SEMA5A: variants seen among roughly 807,000 people sequenced by gnomAD.
The protein encoded by SEMA5A is semaphorin-5A.
A neutral mutation model predicts 135.5 loss-of-function variants in SEMA5A; 55 were observed. That is an observed-to-expected ratio of 0.41 (90% CI 0.33 to 0.51). The LOEUF (loss-of-function observed/expected upper bound fraction) is 0.51. Ranked by LOEUF, SEMA5A falls within the 20% of genes least tolerant of loss-of-function variation. The pLI is 0.37. For synonymous variants in SEMA5A, 580 were observed against 546.5 expected (o/e 1.06, Z -0.85); for missense variants, 1,290 against 1,419.9 (o/e 0.91, Z 1.47).
chr5:9,423,690 C>A (rs1757549945), intron 2 of SEMA5A, among the ~76,000 whole-genome samples: 1 of 152,202 alleles, frequency 6.6e-6, no homozygotes, highest in African/African-American at 2.4e-5. Context: ...AGGTTTGATC[C>A]TCTTACAAAA....
intron 5 of SEMA5A, among the ~76,000 whole-genome samples, chr5:9,251,353 T>A (rs570322513): frequency 9.2e-5 from 14 of 152,280 alleles, no homozygotes; most frequent in Admixed American, 4.6e-4. Flanking sequence ...TGCTATTAAA[T>A]GCTGATATTA....
chr5:9,254,719 G>A (rs1437771541), intron 5 of SEMA5A, among the ~76,000 whole-genome samples: 1 of 152,052 alleles, frequency 6.6e-6, no homozygotes, highest in Non-Finnish European at 1.5e-5. Context: ...AGGAGGAATG[G>A]AGGACACAGA....
At chr5:9,313,307 C>A (rs1179260712) in intron 5 of SEMA5A, among the ~76,000 whole-genome samples, 2 of 152,106 alleles carry the variant, frequency 1.3e-5, no homozygotes, top group Admixed American at 1.3e-4. Context: ...GTCTCATCCA[C>A]GAATTGTCCC....
At chr5:9,325,778 T>C (rs1752844502) in intron 4 of SEMA5A, among the ~76,000 whole-genome samples, 1 of 151,884 alleles carries the variant, frequency 6.6e-6, no homozygotes, top group Non-Finnish European at 1.5e-5. Context: ...GACATTCTCT[T>C]AGAATAACTC....
At chr5:9,472,152 T>C (rs965143163) in intron 1 of SEMA5A, among the ~76,000 whole-genome samples, 1 of 152,210 alleles carries the variant, frequency 6.6e-6, no homozygotes, top group Non-Finnish European at 1.5e-5. Flanking sequence ...ATTGCTTCTA[T>C]CTCTCAAATA....
chr5:9,446,625 A>G (rs941303613), intron 1 of SEMA5A, among the ~76,000 whole-genome samples: 8 of 152,126 alleles, frequency 5.3e-5, no homozygotes, highest in Non-Finnish European at 5.9e-5. Flanking sequence ...AGTCCCTAGA[A>G]AAAAAGGGTG....
chr5:9,472,001 A>AT (rs1208078058), intron 1 of SEMA5A, among the ~76,000 whole-genome samples: 5 of 152,168 alleles, frequency 3.3e-5, no homozygotes, highest in African/African-American at 4.8e-5. Context: ...ATCTGGCTAC[A>AT]TTTTTTTATT....
At chr5:9,226,234 T>A (rs1747303469) in intron 7 of SEMA5A, among the ~76,000 whole-genome samples, 1 of 152,174 alleles carries the variant, frequency 6.6e-6, no homozygotes, top group Non-Finnish European at 1.5e-5. Context: ...TATTTCTTCA[T>A]GATATTCCCA....
chr5:9,327,642 C>G (rs564523088), intron 4 of SEMA5A, among the ~76,000 whole-genome samples: 2 of 152,030 alleles, frequency 1.3e-5, no homozygotes, highest in Non-Finnish European at 2.9e-5. Flanking sequence ...AACAATGCCG[C>G]CAGCAAATCT....
At chr5:9,378,285 C>T (rs962090675) in intron 3 of SEMA5A, among the ~76,000 whole-genome samples, 24 of 151,940 alleles carry the variant, frequency 1.6e-4, no homozygotes, top group South Asian at 1.0e-3. Flanking sequence ...CTTCAGGATA[C>T]GTAAAGAGTT....
chr5:9,162,770 A>G (rs1012668062), intron 11 of SEMA5A, among the ~76,000 whole-genome samples: 3 of 151,702 alleles, frequency 2.0e-5, no homozygotes, highest in Non-Finnish European at 4.4e-5. Flanking sequence ...CAAAGATATG[A>G]TGGATGTTAA....
At chr5:9,086,511 G>A (rs1225198276) in intron 16 of SEMA5A, among the ~76,000 whole-genome samples, 2 of 152,158 alleles carry the variant, frequency 1.3e-5, no homozygotes, top group Non-Finnish European at 2.9e-5. Context: ...TTTGAGATGT[G>A]CCTTTCACCT....
intron 14 of SEMA5A, among the ~76,000 whole-genome samples, chr5:9,119,499 C>T (rs534841975): frequency 6.6e-6 from 1 of 152,278 alleles, no homozygotes; most frequent in South Asian, 2.1e-4. Flanking sequence ...ATCCCTACAC[C>T]TCTACAGTTT....
chr5:9,332,543 TG>T (rs1179536540), intron 4 of SEMA5A, among the ~76,000 whole-genome samples: 1 of 151,562 alleles, frequency 6.6e-6, no homozygotes, highest in African/African-American at 2.4e-5. Flanking sequence ...TTGGGTCAGG[TG>T]TGCAAGGCAT....
At position 9,434,433 on chromosome 5, in the gene SEMA5A, T is replaced by A. The variant is rs927332718; in HGVS notation, c.-78+3323A>T. On this transcript the variant is annotated intron_variant, in intron 2 of 22. Transcript: ENST00000382496. ...TCACTACATTAATGCACTTTAAAAA[T>A]TTTTTTAATTGTAAAAATAATAATA... is the stretch of plus-strand genomic sequence containing the variant. 5.3e-5 allele frequency among the ~76,000 whole-genome samples: 8 copies of A among 152,224 alleles called. No individual in the cohort carries two copies. The East Asian group carries it at 9.6e-4, about 18-fold the overall frequency.
At chr5:9,103,310 G>A (rs1047702172) in intron 16 of SEMA5A, among the ~76,000 whole-genome samples, 1 of 152,148 alleles carries the variant, frequency 6.6e-6, no homozygotes, top group Non-Finnish European at 1.5e-5. Context: ...TGTAATGCCT[G>A]TCATTATTTT....
At chr5:9,259,597 C>G (rs1561081305) in intron 5 of SEMA5A, among the ~76,000 whole-genome samples, 2 of 152,014 alleles carry the variant, frequency 1.3e-5, no homozygotes, top group Non-Finnish European at 2.9e-5. Context: ...AGTTCAATTC[C>G]TGGGTATCCT....
Position 9,066,279 on chromosome 5 carries a change from C to A in SEMA5A, c.2299+142G>T, listed in dbSNP as rs890379426. ...TCAATTTGTCCTACAGTCAGTTGTG[C>A]TCTACAGGGATCATTGTTTTCAAGG... On this transcript the variant is annotated intron_variant, in intron 17 of 22. Transcript: ENST00000382496. 1.5e-5 allele frequency: 11 copies of A among 746,340 alleles called. No individual in the cohort carries two copies. The African/African-American group carries it at 1.9e-4, about 13-fold the overall frequency. 46.2% of individuals were successfully genotyped at this position (746,340 alleles called of 1,614,324 possible).
At chr5:9,544,750 C>T (rs953983661) in intron 1 of SEMA5A, among the ~76,000 whole-genome samples, 77 of 152,222 alleles carry the variant, frequency 5.1e-4, no homozygotes, top group Admixed American at 4.3e-3. Context: ...AGGAGGTGAA[C>T]GCGCTTCCCG....
Sources: gnomAD v4.1 joint callset for allele counts (sites outside exome capture counted in the v4.1 genomes callset) on GRCh38, gnomAD v4.1.1 for gene constraint, MANE v1.5 for transcripts, NCBI Gene and HGNC (gene_info 2026-07-23, HGNC 2026-07-21) for gene names.